The following RIMBP2 variants were observed in gnomAD, a reference collection of about 807,000 sequenced individuals.
RIMBP2 encodes RIMS-binding protein 2.
Under a neutral mutation model 118.6 loss-of-function variants are expected in RIMBP2, and 48 were observed. That is an observed-to-expected ratio of 0.40 (90% CI 0.32 to 0.51). The LOEUF (loss-of-function observed/expected upper bound fraction) is 0.51, where lower values mean the gene tolerates loss of function less well. Ranked by LOEUF, RIMBP2 falls within the 20% of genes least tolerant of loss-of-function variation. The probability of loss-of-function intolerance (pLI) is 0.41; values close to 1 mark genes in which losing one functional copy is unlikely to be tolerated. For missense variants in RIMBP2, 1,551 were observed against 1,768.3 expected, an observed-to-expected ratio of 0.88 and a Z score of 2.20; for synonymous variants, 762 against 742.9, an observed-to-expected ratio of 1.03 and a Z score of -0.42.
At chr12:130,501,326 A>C (rs976285820) in intron 4 of RIMBP2, among the ~76,000 whole-genome samples, 7 of 152,058 alleles carry the variant, frequency 4.6e-5, no homozygotes, top group Non-Finnish European at 1.0e-4. Context: ...ACCCTCTACA[A>C]ACCAAAGCCA....
At chr12:130,499,664 C>A (rs1331998804) in intron 4 of RIMBP2, among the ~76,000 whole-genome samples, 4 of 152,188 alleles carry the variant, frequency 2.6e-5, no homozygotes, top group Non-Finnish European at 5.9e-5. Context: ...CACCTCTGCA[C>A]AGCTCCCTCC....
intron 1 of RIMBP2, among the ~76,000 whole-genome samples, chr12:130,664,409 A>ACATGCACACACACGCACGCACGCACG (rs1555320859): frequency 1.0e-5 from 1 of 97,772 alleles, no homozygotes; most frequent in African/African-American, 3.1e-5. Context: ...GCACGCACGC[A>ACATGCACACACACGCACGCACGCACG]CGCACACACA....
At chr12:130,487,980 T>C (rs1043683494) in intron 4 of RIMBP2, among the ~76,000 whole-genome samples, 61 of 152,172 alleles carry the variant, frequency 4.0e-4, no homozygotes, top group African/African-American at 1.4e-3. Context: ...TCTCACTTTC[T>C]CAACTGGACT....
At chr12:130,627,665 C>G (rs1163257158) in intron 2 of RIMBP2, among the ~76,000 whole-genome samples, 1 of 152,202 alleles carries the variant, frequency 6.6e-6, no homozygotes, top group Non-Finnish European at 1.5e-5. Context: ...TCCCCTTCCA[C>G]CATGCAGCCC....
rs1248924633 is a variant in RIMBP2, at chr12:130,534,444, T to C, written c.-216-16527A>G. Among the ~76,000 whole-genome samples, 9 of 152,134 alleles carry C rather than the reference T, an allele frequency of 5.9e-5. 1 individual carries two copies. The highest frequency in any genetic ancestry group is 1.2e-4 in the Non-Finnish European group (8 of 68,026). ...CTGACCAACATGGTGAAACTCCATC[T>C]CTAGTAAAACAAGAAAAAAAAAAAT... is the stretch of plus-strand genomic sequence containing the variant. On this transcript the variant is annotated intron_variant, in intron 2 of 22. Transcript: ENST00000690449.
chr12:130,562,428 G>A (rs191799130), intron 2 of RIMBP2, among the ~76,000 whole-genome samples: 186 of 152,320 alleles, frequency 1.2e-3, no homozygotes, highest in Middle Eastern at 0.01. Context: ...GCAAGTGCCT[G>A]GCTTCTACTC....
intron 1 of RIMBP2, among the ~76,000 whole-genome samples, chr12:130,637,229 A>G (rs2062392483): frequency 6.6e-6 from 1 of 152,134 alleles, no homozygotes; most frequent in Admixed American, 6.5e-5. Flanking sequence ...GCCCCACCGC[A>G]TCTCCCCATC....
chr12:130,546,056 C>T (rs2055113170), intron 2 of RIMBP2, among the ~76,000 whole-genome samples: 1 of 151,646 alleles, frequency 6.6e-6, no homozygotes, highest in African/African-American at 2.4e-5. Flanking sequence ...AGTCCTGTCC[C>T]CCTTTGGGAT....
intron 4 of RIMBP2, among the ~76,000 whole-genome samples, chr12:130,481,462 A>C (rs1468209565): frequency 6.6e-6 from 1 of 152,074 alleles, no homozygotes; most frequent in Non-Finnish European, 1.5e-5. Context: ...TGGTTCATCT[A>C]CATTTTTAAG....
intron 2 of RIMBP2, among the ~76,000 whole-genome samples, chr12:130,587,228 G>A: frequency 7.0e-6 from 1 of 142,990 alleles, no homozygotes. Context: ...TACACTGTTG[G>A]TGGGACTGTA....
At chr12:130,689,261 C>A (rs2065209617) in intron 1 of RIMBP2, among the ~76,000 whole-genome samples, 1 of 152,012 alleles carries the variant, frequency 6.6e-6, no homozygotes, top group African/African-American at 2.4e-5. Flanking sequence ...GGCGAAAACC[C>A]GTCTCTACCA....
chr12:130,560,044 A>G (rs956205529), intron 2 of RIMBP2, among the ~76,000 whole-genome samples: 4 of 152,224 alleles, frequency 2.6e-5, no homozygotes, highest in Non-Finnish European at 5.9e-5. Context: ...ACAGCTGGTC[A>G]GCGGCAGAGC....
At position 130,442,590 on chromosome 12, in the gene RIMBP2, C is replaced by T. The variant is rs756172782; in HGVS notation, c.762G>A (p.Ser254=). The change falls in exon 11 of 23, where the codon TCG becomes TCA. Residue 254 remains serine (S), a synonymous_variant. Transcript: ENST00000690449. The surrounding 1 kb of genome is among the most constrained non-coding windows in gnomAD (Gnocchi z 6.9). ...CGTTCCCCAGCGTGCTTGCCAACCG[C>T]GACTCGTTGTCCTGCACAAAGTCCA... ...NFVDFVQDNE[S]RLASTLGNEQ... is the part of the protein sequence containing the mutation. 7.4e-6 allele frequency: 12 copies of T among 1,614,206 alleles called. No homozygotes were observed. The highest frequency in any genetic ancestry group is 2.2e-5 in the East Asian group (1 of 44,868).
intron 2 of RIMBP2, among the ~76,000 whole-genome samples, chr12:130,542,851 G>C (rs1429592578): frequency 1.3e-5 from 2 of 152,212 alleles, no homozygotes; most frequent in African/African-American, 4.8e-5. Context: ...ACTTGTTTAT[G>C]AGGATGCTTT....
intron 4 of RIMBP2, among the ~76,000 whole-genome samples, chr12:130,479,685 C>G (rs1246281319): frequency 6.6e-6 from 1 of 152,028 alleles, no homozygotes; most frequent in Non-Finnish European, 1.5e-5. Context: ...TCCAGTGAAC[C>G]AGCGCACTCA....
At chr12:130,509,602 C>T (rs2050699774) in intron 3 of RIMBP2, among the ~76,000 whole-genome samples, 2 of 152,198 alleles carry the variant, frequency 1.3e-5, no homozygotes, top group Admixed American at 1.3e-4. Flanking sequence ...CCAACAGTGT[C>T]CTTCTACAGG....
intron 2 of RIMBP2, among the ~76,000 whole-genome samples, chr12:130,586,766 G>A: frequency 1.8e-5 from 2 of 112,654 alleles, no homozygotes; most frequent in Non-Finnish European, 3.6e-5. Context: ...ACATAGGCAT[G>A]GGCAAGGACT....
rs1220239373 is a variant in RIMBP2 at position 130,450,368 on chromosome 12, T to C, written c.505-92A>G. On this transcript the variant is annotated intron_variant, in intron 8 of 22. Transcript: ENST00000690449. This position sits in a 1 kb window ranked among gnomAD's most constrained non-coding sequence, Gnocchi z 4.8. ...CACGGGAAAGCCCCTCGCAGCTTCC[T>C]GGGCCCCAGGAGGGACGGCCTGAGA... 20 of 956,770 alleles carry C rather than the reference T, an allele frequency of 2.1e-5. No homozygotes were observed. Among genetic ancestry groups the C allele is most frequent in the Non-Finnish European group, 3.1e-5 (19 of 606,866 alleles). 59.3% of individuals were successfully genotyped at this position (956,770 alleles called of 1,614,324 possible). A position where few individuals can be genotyped will look rare whatever the true frequency, so the allele number is the denominator to read the frequency against.
At chr12:130,692,205 G>C (rs777029452) in intron 1 of RIMBP2, among the ~76,000 whole-genome samples, 2 of 152,096 alleles carry the variant, frequency 1.3e-5, no homozygotes, top group Admixed American at 1.3e-4. Context: ...GGACAGAAGT[G>C]GGACAGAAGG....
Sources: gnomAD v4.1 joint callset for allele counts (sites outside exome capture counted in the v4.1 genomes callset) on GRCh38, gnomAD v4.1.1 for gene constraint, Gnocchi (gnomAD v3.1) non-coding constraint, MANE v1.5 for transcripts, NCBI Gene and HGNC (gene_info 2026-07-23, HGNC 2026-07-21) for gene names.